The following CLDN16 variants were observed in gnomAD, a reference collection of about 807,000 sequenced individuals.
CLDN16 encodes the protein claudin-16.
CLDN16 carries 13 observed loss-of-function variants against 24.6 expected under a neutral mutation model. The ratio of observed to expected loss-of-function variants is 0.53; its 90% confidence interval spans 0.34 to 0.84. CLDN16 has a LOEUF of 0.84. Ranked by LOEUF, CLDN16 falls within the 40% of genes least tolerant of loss-of-function variation. The pLI is 0.01. For synonymous variants in CLDN16, 116 were observed against 106.7 expected (o/e 1.09, Z -0.54); for missense variants, 298 against 292.7 (o/e 1.02, Z -0.13).
At chr3:190,293,922 T>A in the CLDN16 span, among the ~76,000 whole-genome samples, 1 of 152,166 alleles carries the variant, frequency 6.6e-6, no homozygotes, top group African/African-American at 2.4e-5. Flanking sequence ...TGTTTGAGAT[T>A]CCTATTAGAC....
At chr3:190,310,851 T>G in the CLDN16 span, among the ~76,000 whole-genome samples, 8 of 152,304 alleles carry the variant, frequency 5.3e-5, no homozygotes, top group African/African-American at 1.7e-4. Flanking sequence ...CAGATCAATT[T>G]ATGCAACCCA....
chr3:190,309,906 CA>C, the CLDN16 span, among the ~76,000 whole-genome samples: 1 of 151,982 alleles, frequency 6.6e-6, no homozygotes, highest in Admixed American at 6.6e-5. Flanking sequence ...AAAAAACAAA[CA>C]AAAGAAAGCC....
intron 1 of CLDN16, among the ~76,000 whole-genome samples, chr3:190,389,523 C>T (rs758081378): frequency 1.3e-4 from 20 of 152,104 alleles, no homozygotes; most frequent in Non-Finnish European, 2.9e-4. Context: ...TTTTGCTGCT[C>T]GCTTTTTCTT....
the CLDN16 span, among the ~76,000 whole-genome samples, chr3:190,296,734 A>G: frequency 6.6e-6 from 1 of 151,610 alleles, no homozygotes; most frequent in African/African-American, 2.4e-5. Flanking sequence ...TATTTTTAGT[A>G]GAGGTGGGGG....
At chr3:190,333,578 CTATCA>C (rs1172268348) in intron 1 of CLDN16, among the ~76,000 whole-genome samples, 3 of 25,934 alleles carry the variant, frequency 1.2e-4, no homozygotes, top group African/African-American at 4.9e-4. Context: ...ATCTATCTAT[CTATCA>C]ATCATCTTTC....
chr3:190,292,374 A>G, the CLDN16 span, among the ~76,000 whole-genome samples: 1 of 152,154 alleles, frequency 6.6e-6, no homozygotes, highest in Non-Finnish European at 1.5e-5. Context: ...GCTGGAATGC[A>G]TGGCATCAAG....
intron 1 of CLDN16, among the ~76,000 whole-genome samples, chr3:190,330,554 C>T (rs557409137): frequency 6.6e-5 from 10 of 151,908 alleles, no homozygotes; most frequent in Non-Finnish European, 1.0e-4. Flanking sequence ...TTTCATCATC[C>T]GGTGGTGGTG....
At chr3:190,371,315 T>C (rs1262187877) in intron 2 of CLDN16, among the ~76,000 whole-genome samples, 1 of 151,872 alleles carries the variant, frequency 6.6e-6, no homozygotes, top group African/African-American at 2.4e-5. Flanking sequence ...AGTAGATAGA[T>C]ATACATGAGT....
chr3:190,332,874 A>T (rs1338296753), intron 1 of CLDN16, among the ~76,000 whole-genome samples: 1 of 152,150 alleles, frequency 6.6e-6, no homozygotes, highest in African/African-American at 2.4e-5. Flanking sequence ...CTGATGGCAT[A>T]CACTTTGCTT....
chr3:190,409,786 A>T (rs1438429008), intron 4 of CLDN16, 117 bp from the exon 5 acceptor site: 3 of 946,898 alleles, frequency 3.2e-6, no homozygotes, highest in South Asian at 1.5e-5. Flanking sequence ...TTCCAAAATG[A>T]TACCTTCTTT....
intron 1 of CLDN16, among the ~76,000 whole-genome samples, chr3:190,334,924 C>A (rs1019613874): frequency 1.3e-5 from 2 of 152,096 alleles, no homozygotes; most frequent in African/African-American, 4.8e-5. Flanking sequence ...TCTCTGGAAA[C>A]AATTTGTACT....
the CLDN16 span, among the ~76,000 whole-genome samples, chr3:190,313,775 C>G: frequency 1.3e-5 from 2 of 152,248 alleles, no homozygotes; most frequent in South Asian, 2.1e-4. Context: ...TGTAGTGTTT[C>G]TCAGGATTCC....
intron 1 of CLDN16, among the ~76,000 whole-genome samples, chr3:190,395,283 C>T (rs1415443151): frequency 6.6e-6 from 1 of 151,950 alleles, no homozygotes; most frequent in Non-Finnish European, 1.5e-5. Context: ...ATAACCAGAA[C>T]TAAAACAAAT....
chr3:190,370,086 G>T (rs945823949), intron 1 of CLDN16, among the ~76,000 whole-genome samples: 1 of 151,874 alleles, frequency 6.6e-6, no homozygotes, highest in South Asian at 2.1e-4. Flanking sequence ...AGCACTAAAT[G>T]GGCCATTAGG....
chr3:190,298,273 G>A, the CLDN16 span, among the ~76,000 whole-genome samples: 323 of 150,764 alleles, frequency 2.1e-3, no homozygotes, highest in African/African-American at 7.5e-3. Flanking sequence ...TTCTTTCAAA[G>A]GAAACATTAT....
At chr3:190,341,051 C>T (rs1408141035) in intron 1 of CLDN16, among the ~76,000 whole-genome samples, 6 of 152,204 alleles carry the variant, frequency 3.9e-5, no homozygotes, top group Non-Finnish European at 8.8e-5. Context: ...TAGAGCTTTT[C>T]CTCCAGCTGC....
At chr3:190,406,640 G>A (rs1719107992) in intron 3 of CLDN16, among the ~76,000 whole-genome samples, 1 of 151,376 alleles carries the variant, frequency 6.6e-6, no homozygotes, top group Non-Finnish European at 1.5e-5. Context: ...TGAAGGTTTA[G>A]AAAGGGAATT....
At chr3:190,306,942 TAGAG>T in the CLDN16 span, 1 of 152,592 alleles carries the variant, frequency 6.6e-6, no homozygotes, top group Admixed American at 6.6e-5. Flanking sequence ...AATAGACTGG[TAGAG>T]AGAGGAAGGC....
At chr3:190,325,439 C>T (rs1197253296) in intron 1 of CLDN16, among the ~76,000 whole-genome samples, 1 of 152,142 alleles carries the variant, frequency 6.6e-6, no homozygotes, top group African/African-American at 2.4e-5. Context: ...TGTTGCAGCC[C>T]ACTGAGGTTT....
Sources: gnomAD v4.1 joint callset for allele counts (sites outside exome capture counted in the v4.1 genomes callset) on GRCh38, gnomAD v4.1.1 for gene constraint, MANE v1.5 for transcripts, NCBI Gene and HGNC (gene_info 2026-07-23, HGNC 2026-07-21) for gene names.